PCTP: variants seen among roughly 807,000 people sequenced by gnomAD.
PCTP encodes phosphatidylcholine transfer protein, also known as START domain-containing protein 2.
A neutral mutation model predicts 31.0 loss-of-function variants in PCTP; 27 were observed. The ratio of observed to expected loss-of-function variants is 0.87; its 90% CI spans 0.64 to 1.20. PCTP has a LOEUF of 1.20. Among genes scored for constraint, PCTP ranks in the 50% most tolerant of loss-of-function variants. PCTP has a pLI of 0.00. For missense variants in PCTP, 287 were observed against 268.2 expected, an observed-to-expected ratio of 1.07 and a Z score of -0.49; for synonymous variants, 108 against 101.2, an observed-to-expected ratio of 1.07 and a Z score of -0.40.
At chr17:55,783,193 C>G (rs1220703475) in intron 2 of PCTP, among the ~76,000 whole-genome samples, 2 of 151,382 alleles carry the variant, frequency 1.3e-5, no homozygotes, top group Non-Finnish European at 2.9e-5. Context: ...GGGTTTTGTT[C>G]TTTATTAATT....
chr17:55,839,367 T>C (rs1905882868), intron 5 of PCTP, among the ~76,000 whole-genome samples: 1 of 152,190 alleles, frequency 6.6e-6, no homozygotes, highest in Non-Finnish European at 1.5e-5. Context: ...GAAAGCTGAC[T>C]TGATGGTAGG....
At chr17:55,842,266 G>A (rs1005024165) in intron 5 of PCTP, among the ~76,000 whole-genome samples, 1 of 152,210 alleles carries the variant, frequency 6.6e-6, no homozygotes, top group African/African-American at 2.4e-5. Context: ...GGTCAGGAAA[G>A]TCTACAGTGA....
At chr17:55,795,055 C>G (rs1048200358) in intron 3 of PCTP, among the ~76,000 whole-genome samples, 2 of 152,046 alleles carry the variant, frequency 1.3e-5, no homozygotes, top group East Asian at 3.9e-4. Context: ...CACACACATA[C>G]ACACACTAAC....
chr17:55,804,560 G>T (rs1167013147), intron 3 of PCTP, among the ~76,000 whole-genome samples: 1 of 152,160 alleles, frequency 6.6e-6, no homozygotes, highest in Non-Finnish European at 1.5e-5. Context: ...CCTGTCCTTT[G>T]CAGGGAAATG....
At chr17:55,783,106 T>C (rs571462859) in intron 2 of PCTP, among the ~76,000 whole-genome samples, 12 of 152,366 alleles carry the variant, frequency 7.9e-5, no homozygotes, top group Admixed American at 7.2e-4. Flanking sequence ...GTGTTCCACC[T>C]AATTTTTACC....
intron 1 of PCTP, among the ~76,000 whole-genome samples, chr17:55,766,514 T>C (rs1197301576): frequency 6.6e-6 from 1 of 150,866 alleles, no homozygotes; most frequent in Non-Finnish European, 1.5e-5. Flanking sequence ...ATGTGGTGTT[T>C]GGTTTTTTGT....
At chr17:55,850,557 C>A in the PCTP span, among the ~76,000 whole-genome samples, 9 of 152,118 alleles carry the variant, frequency 5.9e-5, no homozygotes, top group Non-Finnish European at 1.3e-4. Flanking sequence ...TTAAAAACTG[C>A]AGTTATACTT....
chr17:55,792,568 G>A (rs1178557528), intron 3 of PCTP, among the ~76,000 whole-genome samples: 2 of 152,090 alleles, frequency 1.3e-5, no homozygotes, highest in South Asian at 2.1e-4. Flanking sequence ...TCTATCCCTA[G>A]TGTATGGGAC....
chr17:55,838,009 G>T (rs1384985058), intron 5 of PCTP, among the ~76,000 whole-genome samples: 2 of 151,866 alleles, frequency 1.3e-5, no homozygotes, highest in African/African-American at 4.8e-5. Flanking sequence ...GGGCATGATA[G>T]TGTGCACCTT....
chr17:55,799,580 G>T (rs1357216369), intron 3 of PCTP, among the ~76,000 whole-genome samples: 2 of 151,892 alleles, frequency 1.3e-5, no homozygotes, highest in Non-Finnish European at 2.9e-5. Flanking sequence ...TACATTTAAG[G>T]TTAATATTGT....
downstream of PCTP, among the ~76,000 whole-genome samples, chr17:55,779,223 T>A (rs778467256): frequency 4.6e-5 from 7 of 152,234 alleles, no homozygotes; most frequent in Non-Finnish European, 7.3e-5. Context: ...GAGAAAGATA[T>A]GGTGCCTGCC....
chr17:55,833,877 A>G (rs1232658211), intron 5 of PCTP, among the ~76,000 whole-genome samples: 6 of 152,256 alleles, frequency 3.9e-5, no homozygotes, highest in Admixed American at 2.6e-4. Context: ...CCTGGACTAT[A>G]AAACATGTTG....
intron 3 of PCTP, among the ~76,000 whole-genome samples, chr17:55,814,200 AG>A (rs1396146407): frequency 6.6e-6 from 1 of 152,170 alleles, no homozygotes; most frequent in African/African-American, 2.4e-5. Flanking sequence ...TCCATTCTAG[AG>A]GAAGGAGGAG....
At chr17:55,789,049 G>A (rs933395995) in intron 3 of PCTP, among the ~76,000 whole-genome samples, 4 of 152,106 alleles carry the variant, frequency 2.6e-5, no homozygotes, top group East Asian at 1.9e-4. Flanking sequence ...TTTGAGCCTC[G>A]ATTTTTCTTA....
the PCTP span, among the ~76,000 whole-genome samples, chr17:55,850,669 A>G: frequency 1.3e-5 from 2 of 152,142 alleles, no homozygotes; most frequent in Non-Finnish European, 2.9e-5. Context: ...TATACTTTCT[A>G]TGGCACGTAG....
intron 3 of PCTP, among the ~76,000 whole-genome samples, chr17:55,806,422 G>T (rs1313870313): frequency 6.6e-6 from 1 of 152,088 alleles, no homozygotes; most frequent in Non-Finnish European, 1.5e-5. Context: ...AGAGAAATTG[G>T]CAAATGGTAC....
At chr17:55,809,790 G>A (rs1038090246) in intron 3 of PCTP, among the ~76,000 whole-genome samples, 1 of 152,082 alleles carries the variant, frequency 6.6e-6, no homozygotes, top group Admixed American at 6.5e-5. Flanking sequence ...CAAAATGCTG[G>A]GATTACAGGC....
chr17:55,772,287 G>T (rs1037882767), intron 3 of PCTP, among the ~76,000 whole-genome samples: 4 of 152,182 alleles, frequency 2.6e-5, no homozygotes, highest in African/African-American at 7.2e-5. Context: ...AGGGGGCGCT[G>T]TCAAGACACT....
At chr17:55,835,494 T>A (rs1476227921) in intron 5 of PCTP, among the ~76,000 whole-genome samples, 1 of 152,234 alleles carries the variant, frequency 6.6e-6, no homozygotes, top group Non-Finnish European at 1.5e-5. Context: ...GGCCTCATCA[T>A]TCTTTGGATT....
Sources: allele counts gnomAD v4.1 joint callset (sites outside exome capture counted in the v4.1 genomes callset), GRCh38; gene constraint gnomAD v4.1.1; transcripts MANE v1.5; gene names NCBI Gene and HGNC (gene_info 2026-07-23, HGNC 2026-07-21).